Variants in CCDC3 observed in about 807,000 individuals in gnomAD.
CCDC3 encodes the protein coiled-coil domain-containing protein 3.
In CCDC3, 24 loss-of-function variants were observed where a neutral mutation model predicts 21.4. The ratio of observed to expected loss-of-function variants is 1.12; its 90% CI spans 0.81 to 1.58. The LOEUF (loss-of-function observed/expected upper bound fraction) is 1.58, where lower values mean the gene tolerates loss of function less well. Ranked by LOEUF, CCDC3 falls within the 40% of genes most tolerant of loss-of-function variation. The pLI is 0.00. For synonymous variants in CCDC3, 186 were observed against 166.0 expected (o/e 1.12, Z -0.93); for missense variants, 425 against 360.9 (o/e 1.18, Z -1.44).
intron 4 of CCDC3, among the ~76,000 whole-genome samples, chr10:13,058,987 AT>A (rs1470252242): frequency 6.6e-6 from 1 of 152,196 alleles, no homozygotes; most frequent in Non-Finnish European, 1.5e-5. Context: ...TTAGTGGCCC[AT>A]TTTACAGAAA....
chr10:12,952,214 G>A (rs1172030370), intron 2 of CCDC3, among the ~76,000 whole-genome samples: 1 of 152,222 alleles, frequency 6.6e-6, no homozygotes, highest in Admixed American at 6.5e-5. Flanking sequence ...CCTCAGGAGG[G>A]AGAAGGTTTT....
At chr10:12,986,785 C>CAA (rs57601556) in intron 2 of CCDC3, among the ~76,000 whole-genome samples, 42 of 148,624 alleles carry the variant, frequency 2.8e-4, no homozygotes, top group Middle Eastern at 3.5e-3. Flanking sequence ...AAAAAAAAAA[C>CAA]AAAAAAACAA....
chr10:13,073,124 C>G (rs759343769), intron 4 of CCDC3, among the ~76,000 whole-genome samples: 2 of 152,144 alleles, frequency 1.3e-5, no homozygotes, highest in African/African-American at 2.4e-5. Context: ...CCTTGACCTC[C>G]CAAAGTGCTG....
Position 12,971,693 on chromosome 10 carries a change from T to C in CCDC3, c.549+26645A>G, listed in dbSNP as rs553950720. 3.4e-4 allele frequency among the ~76,000 whole-genome samples: 52 copies of C among 152,252 alleles called. 1 individual carries two copies. The highest frequency in any genetic ancestry group is 2.9e-3 in the Admixed American group (45 of 15,306). The stretch of plus-strand genomic sequence containing the variant: ...GTGCCCAAGCCCCGAAGTTTTTATT[T>C]GTTTGTTTTCGAGACAGAGTCTTGT... On this transcript the variant is annotated intron_variant, in intron 2 of 2. Transcript: ENST00000378825.
chr10:13,057,216 C>G (rs1836691898), intron 4 of CCDC3, among the ~76,000 whole-genome samples: 1 of 152,004 alleles, frequency 6.6e-6, no homozygotes, highest in African/African-American at 2.4e-5. Context: ...ATTGCTTGAA[C>G]CCAGGAGTTG....
chr10:12,966,033 C>CT (rs147128729), intron 2 of CCDC3, among the ~76,000 whole-genome samples: 370 of 152,262 alleles, frequency 2.4e-3, no homozygotes, highest in African/African-American at 8.3e-3. Flanking sequence ...CTTAGGTCCC[C>CT]TTTGCAAGCC....
At chr10:12,951,284 T>C (rs1835004446) in intron 2 of CCDC3, among the ~76,000 whole-genome samples, 2 of 151,642 alleles carry the variant, frequency 1.3e-5, no homozygotes, top group South Asian at 4.2e-4. Flanking sequence ...GCTGAAGCAG[T>C]AGGCCAAGCT....
chr10:13,042,936 A>C (rs529723857), intron 5 of CCDC3, among the ~76,000 whole-genome samples: 12 of 149,770 alleles, frequency 8.0e-5, no homozygotes, highest in African/African-American at 2.9e-4. Flanking sequence ...AAGAAAAGAA[A>C]AAGAAAACTC....
intron 2 of CCDC3, among the ~76,000 whole-genome samples, chr10:12,986,048 T>C (rs969168156): frequency 4.6e-5 from 7 of 152,176 alleles, no homozygotes; most frequent in Non-Finnish European, 1.0e-4. Context: ...GTTAACTTTT[T>C]TTGTATTTTT....
chr10:12,958,620 CCATA>C (rs1431877242), intron 2 of CCDC3, among the ~76,000 whole-genome samples: 1 of 152,142 alleles, frequency 6.6e-6, no homozygotes, highest in Non-Finnish European at 1.5e-5. Context: ...CTCAAAACTT[CCATA>C]GAGAAAAAGA....
At chr10:12,996,622 C>T (rs1835765554) in intron 2 of CCDC3, among the ~76,000 whole-genome samples, 1 of 152,150 alleles carries the variant, frequency 6.6e-6, no homozygotes. Flanking sequence ...AGACATATGT[C>T]AAAGAAGAAG....
At chr10:13,085,996 A>G (rs1409738761) in intron 3 of CCDC3, among the ~76,000 whole-genome samples, 1 of 151,984 alleles carries the variant, frequency 6.6e-6, no homozygotes, top group African/African-American at 2.4e-5. Flanking sequence ...AAAGAAATTC[A>G]AGAGACCAAG....
chr10:13,015,320 G>C lies in CCDC3; in HGVS notation c.-1-16808C>G, dbSNP rs574664462. On this transcript the variant is annotated intron_variant, in intron 5 of 6. Transcript: ENST00000378839. Reference sequence around the variant, plus strand: ...TTAAATTCCATCAGCCTGTTATACAGATTAGGAATCAAATTCCGAAAGGGC... The same window carrying C: ...TTAAATTCCATCAGCCTGTTATACACATTAGGAATCAAATTCCGAAAGGGC... Among the ~76,000 whole-genome samples, 68 of 152,092 alleles carry C rather than the reference G, an allele frequency of 4.5e-4. 3 individuals carry two copies. The highest frequency in any genetic ancestry group is 9.0e-4 in the Non-Finnish European group (61 of 67,972).
intron 2 of CCDC3, among the ~76,000 whole-genome samples, chr10:12,996,207 A>C (rs74119574): frequency 0.029 from 4,420 of 152,062 alleles, 235 homozygotes; most frequent in African/African-American, 0.1. Context: ...GGAAGAATAA[A>C]AACAGGTGCT....
chr10:12,900,055 C>T (rs1157782567), intron 2 of CCDC3, among the ~76,000 whole-genome samples: 1 of 152,056 alleles, frequency 6.6e-6, no homozygotes, highest in Non-Finnish European at 1.5e-5. Context: ...GGGCAGTTCC[C>T]CTGAACACTC....
chr10:13,069,817 C>G (rs1401711398), intron 4 of CCDC3, among the ~76,000 whole-genome samples: 1 of 152,050 alleles, frequency 6.6e-6, no homozygotes, highest in Non-Finnish European at 1.5e-5. Flanking sequence ...TATTGTAAAC[C>G]ACGAAGATAA....
At chr10:12,932,688 C>G (rs1834666377) in intron 2 of CCDC3, among the ~76,000 whole-genome samples, 1 of 152,088 alleles carries the variant, frequency 6.6e-6, no homozygotes, top group Non-Finnish European at 1.5e-5. Context: ...AATAGAACTT[C>G]CAATATGATG....
chr10:12,972,109 G>A (rs1835352243), intron 2 of CCDC3, among the ~76,000 whole-genome samples: 1 of 152,112 alleles, frequency 6.6e-6, no homozygotes, highest in Non-Finnish European at 1.5e-5. Flanking sequence ...GCTGCGTGCA[G>A]GACAGTAACT....
At chr10:12,948,666 T>C (rs1212804464) in intron 2 of CCDC3, among the ~76,000 whole-genome samples, 1 of 151,168 alleles carries the variant, frequency 6.6e-6, no homozygotes, top group Non-Finnish European at 1.5e-5. Flanking sequence ...CTAGAAGCGC[T>C]AAATTTGGTG....
Sources: allele counts gnomAD v4.1 joint callset (sites outside exome capture counted in the v4.1 genomes callset), GRCh38; gene constraint gnomAD v4.1.1; transcripts MANE v1.5; gene names NCBI Gene and HGNC (gene_info 2026-07-23, HGNC 2026-07-21).